The following ABHD3 variants were observed in gnomAD, a reference collection of about 807,000 sequenced individuals.
The protein encoded by ABHD3 is phospholipase ABHD3.
In ABHD3, 46 loss-of-function variants were observed where a neutral mutation model predicts 48.8. That is an observed-to-expected ratio of 0.94 (90% CI 0.74 to 1.20). The LOEUF is 1.20. Among genes scored for constraint, ABHD3 ranks in the 50% most tolerant of loss-of-function variants. The pLI, the probability that ABHD3 is intolerant of heterozygous loss-of-function variation, is 0.00. For missense variants in ABHD3, 490 were observed against 497.8 expected (o/e 0.98, Z 0.15); for synonymous variants, 192 against 183.7 (o/e 1.04, Z -0.36).
intron 4 of ABHD3, among the ~76,000 whole-genome samples, chr18:21,678,530 ATTAG>A (rs2039939323): frequency 6.6e-6 from 1 of 152,118 alleles, no homozygotes; most frequent in African/African-American, 2.4e-5. Flanking sequence ...TATTTTGAAT[ATTAG>A]TTATAGGATC....
chr18:21,657,809 T>C (rs2039393369), intron 6 of ABHD3, among the ~76,000 whole-genome samples: 1 of 152,160 alleles, frequency 6.6e-6, no homozygotes, highest in East Asian at 1.9e-4. Context: ...ATTGCGTGCC[T>C]GTATCAAAAT....
At chr18:21,694,848 C>T (rs770187374) in intron 3 of ABHD3, among the ~76,000 whole-genome samples, 2 of 152,060 alleles carry the variant, frequency 1.3e-5, no homozygotes, top group Non-Finnish European at 2.9e-5. Flanking sequence ...CACCGCTGAT[C>T]TACTCCTTCC....
chr18:21,671,051 C>CCAA (rs1319524950), intron 4 of ABHD3, among the ~76,000 whole-genome samples: 1 of 152,056 alleles, frequency 6.6e-6, no homozygotes, highest in Non-Finnish European at 1.5e-5. Flanking sequence ...TGAGACTTGG[C>CCAA]CCCTGTCCTT....
At chr18:21,669,025 C>A (rs2039699254) in intron 4 of ABHD3, among the ~76,000 whole-genome samples, 1 of 151,980 alleles carries the variant, frequency 6.6e-6, no homozygotes, top group Non-Finnish European at 1.5e-5. Context: ...CAGTTGAGAG[C>A]ACCCTGGGCA....
chr18:21,704,747 G>GAGA lies in ABHD3; in HGVS notation c.-83_-82insTCT. On this transcript the variant is annotated 5_prime_UTR_variant, in exon 1 of 9. Transcript: ENST00000289119. The stretch of plus-strand genomic sequence containing the variant: ...GGCGAGAGCGGGCGAGAGCGGACGC[G>GAGA]GCGCCGCTGCCTACTCCCGACCACA... 7.0e-5 allele frequency: 88 copies of GAGA among 1,265,064 alleles called. 1 individual carries two copies. The highest frequency in any genetic ancestry group is 1.7e-4 in the Admixed American group (4 of 23,548). 78.4% of individuals were successfully genotyped at this position (1,265,064 alleles called of 1,614,324 possible).
chr18:21,657,197 C>A, intron 6 of ABHD3, 45 bp from the exon 7 acceptor site: 1 of 1,538,964 alleles, frequency 6.5e-7, no homozygotes. Flanking sequence ...ATCATTCCTA[C>A]TCCATCATAC....
chr18:21,667,866 G>C (rs902893929), intron 4 of ABHD3, among the ~76,000 whole-genome samples: 1 of 152,002 alleles, frequency 6.6e-6, no homozygotes, highest in Non-Finnish European at 1.5e-5. Context: ...TCAATCACAA[G>C]GGGCGGGGGG....
At chr18:21,669,187 G>A (rs1377389994) in intron 4 of ABHD3, among the ~76,000 whole-genome samples, 1 of 152,162 alleles carries the variant, frequency 6.6e-6, no homozygotes, top group African/African-American at 2.4e-5. Flanking sequence ...CAGCCTTGGT[G>A]ACAGACTGAG....
chr18:21,672,150 C>T (rs1283106266), intron 4 of ABHD3, among the ~76,000 whole-genome samples: 3 of 152,024 alleles, frequency 2.0e-5, no homozygotes, highest in Non-Finnish European at 4.4e-5. Context: ...TTTTCTTGTA[C>T]CAGATTTAGA....
rs2040599117 is a variant in ABHD3, at chr18:21,704,670, C to T, written c.-5G>A. On this transcript the variant is annotated 5_prime_UTR_variant, in exon 1 of 9. Transcript: ENST00000289119. ...GTCCATGGCCAGGCGCTGCATGGCC[C>T]CCGAGCGCGGCGCGCGGGTCCTGCG... The T allele has an allele frequency of 1.4e-6, 2 of 1,474,974 alleles. No individual in the cohort carries two copies. Among genetic ancestry groups the T allele is most frequent in the Admixed American group, 2.4e-5 (1 of 40,836 alleles). The allele number at this position is 1,474,974 out of a possible 1,614,324, so 91.4% of individuals were successfully genotyped here.
intron 4 of ABHD3, among the ~76,000 whole-genome samples, chr18:21,671,677 C>A (rs918575556): frequency 1.3e-5 from 2 of 152,114 alleles, no homozygotes; most frequent in Admixed American, 6.6e-5. Flanking sequence ...TATATCACTT[C>A]CAGCAGATAT....
intron 8 of ABHD3, among the ~76,000 whole-genome samples, chr18:21,653,052 CAAAAAAAAAAA>C (rs745321830): frequency 6.1e-4 from 3 of 4,902 alleles, no homozygotes; most frequent in South Asian, 8.5e-3. Flanking sequence ...GACTCCATCT[CAAAAAAAAAAA>C]AAAAAAAAAA....
chr18:21,691,887 G>A (rs576648064), intron 3 of ABHD3, among the ~76,000 whole-genome samples: 4 of 152,288 alleles, frequency 2.6e-5, no homozygotes, highest in African/African-American at 7.2e-5. Flanking sequence ...GGGTTTTCAG[G>A]AACTATCAAC....
chr18:21,670,747 G>T (rs1286723582), intron 4 of ABHD3, among the ~76,000 whole-genome samples: 1 of 152,198 alleles, frequency 6.6e-6, no homozygotes, highest in African/African-American at 2.4e-5. Context: ...GGGCATGGTA[G>T]CTCATACCTG....
intron 3 of ABHD3, among the ~76,000 whole-genome samples, chr18:21,700,149 G>T (rs2040475589): frequency 6.6e-6 from 1 of 151,854 alleles, no homozygotes; most frequent in African/African-American, 2.4e-5. Context: ...GAGTGCAGTG[G>T]TGCCATCTTG....
chr18:21,654,412 T>C (rs115269700), intron 8 of ABHD3, among the ~76,000 whole-genome samples: 119 of 152,228 alleles, frequency 7.8e-4, no homozygotes, highest in African/African-American at 2.7e-3. Flanking sequence ...GCTCTAAATT[T>C]GACCCTTCAT....
chr18:21,682,874 C>T (rs1464496738), intron 4 of ABHD3: 11 of 152,294 alleles, frequency 7.2e-5, no homozygotes, highest in African/African-American at 2.4e-4. Context: ...TCCTAAAGGG[C>T]TGGATTGAAT....
chr18:21,674,382 C>T (rs2039828510), intron 4 of ABHD3, among the ~76,000 whole-genome samples: 3 of 151,904 alleles, frequency 2.0e-5, no homozygotes, highest in African/African-American at 4.8e-5. Flanking sequence ...GCTGGGACTA[C>T]AGGCACGTGC....
At chr18:21,693,492 G>A (rs978879090) in intron 3 of ABHD3, among the ~76,000 whole-genome samples, 3 of 152,168 alleles carry the variant, frequency 2.0e-5, no homozygotes, top group Non-Finnish European at 2.9e-5. Flanking sequence ...TTCCAAAGAA[G>A]ACGGGTGCTC....
Sources: gnomAD v4.1 joint callset for allele counts (sites outside exome capture counted in the v4.1 genomes callset) on GRCh38, gnomAD v4.1.1 for gene constraint, MANE v1.5 for transcripts, NCBI Gene and HGNC (gene_info 2026-07-23, HGNC 2026-07-21) for gene names.